Variants in CSNK2A1 observed in about 807,000 individuals in gnomAD.
The protein encoded by CSNK2A1 is casein kinase 2 alpha 1.
In CSNK2A1, 10 loss-of-function variants were observed where a neutral mutation model predicts 62.9. The ratio of observed to expected loss-of-function variants is 0.16; its 90% CI spans 0.10 to 0.27. The LOEUF is 0.27. Ranked by LOEUF, CSNK2A1 falls within the 10% of genes least tolerant of loss-of-function variation. The pLI is 1.00. For synonymous variants in CSNK2A1, 124 were observed against 167.8 expected (o/e 0.74, Z 2.02); for missense variants, 160 against 492.0 (o/e 0.33, Z 6.38).
intron 1 of CSNK2A1, among the ~76,000 whole-genome samples, chr20:536,686 A>C (rs1171425674): frequency 6.6e-6 from 1 of 152,250 alleles, no homozygotes; most frequent in East Asian, 1.9e-4. Context: ...AGCTGTTTCA[A>C]AAACTACACC....
chr20:499,859 G>C lies in CSNK2A1; in HGVS notation c.289C>G (p.Leu97Val), dbSNP rs138635633. The C allele has an allele frequency of 6.2e-7, 1 of 1,613,470 alleles. No individual in the cohort carries two copies. Among genetic ancestry groups the C allele is most frequent in the Non-Finnish European group, 8.5e-7 (1 of 1,179,942 alleles). ...ACAGGGTCTTTTACAATGTCTGCCA[G>C]TGTGATGATGTTGGGACCTCCTCTC... ...NLRGGPNIIT[L>V]ADIVKDPVSR... The change falls in exon 5 of 14, where the codon CTG (leucine) becomes GTG (valine). Residue 97 changes from leucine to valine, a missense_variant. Around this residue, in one of 3 missense-constraint regions of CSNK2A1, gnomAD observed 94 missense variants for 357.6 expected, o/e 0.26. Transcript: ENST00000217244. This position sits in a 1 kb window ranked among gnomAD's most constrained non-coding sequence, Gnocchi z 4.2.
intron 2 of CSNK2A1, among the ~76,000 whole-genome samples, chr20:519,223 C>G (rs1776560207): frequency 1.3e-5 from 2 of 152,208 alleles, no homozygotes; most frequent in Non-Finnish European, 2.9e-5. Flanking sequence ...TAGGCGTAAG[C>G]CACCGTGCCC....
intron 2 of CSNK2A1, among the ~76,000 whole-genome samples, chr20:524,655 A>C (rs1044729107): frequency 1.4e-5 from 2 of 137,952 alleles, no homozygotes; most frequent in Non-Finnish European, 3.1e-5. Flanking sequence ...GCTTGAACCT[A>C]GGAGGTGGAG....
chr20:506,147 A>G (rs1484407100), intron 3 of CSNK2A1: 2 of 152,244 alleles, frequency 1.3e-5, no homozygotes, highest in Non-Finnish European at 2.9e-5. Context: ...AAGTGCTGGG[A>G]TTACAGGCGT....
intron 13 of CSNK2A1, among the ~76,000 whole-genome samples, chr20:485,651 A>G (rs1364981948): frequency 6.6e-6 from 1 of 152,232 alleles, no homozygotes; most frequent in Non-Finnish European, 1.5e-5. Flanking sequence ...TATTACAAAT[A>G]AGGCTACAAG....
chr20:536,930 C>T (rs913934172), intron 1 of CSNK2A1, among the ~76,000 whole-genome samples: 1 of 152,020 alleles, frequency 6.6e-6, no homozygotes, highest in Non-Finnish European at 1.5e-5. Context: ...ATGACCATCT[C>T]GTATTTCTGG....
chr20:473,600 T>C lies in CSNK2A1; in HGVS notation c.*10361A>G, dbSNP rs1208475722. ...TCCTTTCACAGTAGCTGCCATTGTC[T>C]TCTTCCAGATCTTGAGACATTTTAT... On this transcript the variant is annotated 3_prime_UTR_variant, in exon 14 of 14. Transcript: ENST00000217244. The C allele has an allele frequency of 6.6e-6, 1 of 151,768 alleles. No individual in the cohort carries two copies. Among genetic ancestry groups the C allele is most frequent in the Non-Finnish European group, 1.5e-5 (1 of 68,054 alleles). 9.4% of individuals were successfully genotyped at this position (151,768 alleles called of 1,614,324 possible).
At chr20:533,191 C>T (rs1005231051) in intron 1 of CSNK2A1, among the ~76,000 whole-genome samples, 2 of 152,086 alleles carry the variant, frequency 1.3e-5, no homozygotes, top group Admixed American at 1.3e-4. Context: ...CCTTTAAGTC[C>T]CAAGGTTCTA....
rs2017788078 is a variant in CSNK2A1, at chr20:473,326, T to C, written c.*10635A>G. 1 of 152,536 alleles carries C rather than the reference T, an allele frequency of 6.6e-6. No individual in the cohort carries two copies. The allele number at this position is 152,536 out of a possible 1,614,324, so 9.4% of individuals were successfully genotyped here. On this transcript the variant is annotated 3_prime_UTR_variant, in exon 14 of 14. Transcript: ENST00000217244. ...TCTGTTCTGATCAAGTCTCAGTCTC[T>C]GTCAGGCCCTTTGTGTCTCTGATTT... is the stretch of plus-strand genomic sequence containing the variant.
intron 2 of CSNK2A1, among the ~76,000 whole-genome samples, chr20:524,682 C>T (rs2019036010): frequency 7.7e-6 from 1 of 130,534 alleles, no homozygotes; most frequent in African/African-American, 3.0e-5. Flanking sequence ...GTGGGCACTC[C>T]AGCATGGGTG....
chr20:528,066 G>A lies in CSNK2A1; in HGVS notation c.-226-17C>T, dbSNP rs939604457. 1.2e-4 allele frequency: 19 copies of A among 152,162 alleles called. No homozygotes were observed. Among genetic ancestry groups the A allele is most frequent in the African/African-American group, 4.1e-4 (17 of 41,430 alleles). The allele number at this position is 152,162 out of a possible 1,614,324, so 9.4% of individuals were successfully genotyped here. On this transcript the variant is annotated splice_polypyrimidine_tract_variant and intron_variant, in intron 1 of 13. Coordinates refer to ENST00000217244, the MANE Select transcript of CSNK2A1 (RefSeq NM_177559.3). ...TTGATAGAGCTACAAAAACAGTTCA[G>A]TACTCCGTTACTGAAAGGATCTTGG...
Position 482,305 on chromosome 20 carries a change from G to A in CSNK2A1, c.*1656C>T, listed in dbSNP as rs2017970045. On this transcript the variant is annotated 3_prime_UTR_variant, in exon 14 of 14. Coordinates refer to ENST00000217244, the MANE Select transcript of CSNK2A1 (RefSeq NM_177559.3). Reference sequence around the variant, plus strand: ...TAATGAAATAACAGGAGAAAATACAGAGCTGATGGTTTTGCTATTGTGCTT... The same window carrying A: ...TAATGAAATAACAGGAGAAAATACAAAGCTGATGGTTTTGCTATTGTGCTT... The A allele has an allele frequency of 6.6e-6, 1 of 152,180 alleles. No individual in the cohort carries two copies. Among genetic ancestry groups the A allele is most frequent in the South Asian group, 2.1e-4 (1 of 4,832 alleles). 9.4% of individuals were successfully genotyped at this position (152,180 alleles called of 1,614,324 possible). A position where few individuals can be genotyped will look rare whatever the true frequency, so the allele number is the denominator to read the frequency against.
chr20:532,188 G>T (rs1473016699), intron 1 of CSNK2A1, among the ~76,000 whole-genome samples: 5 of 148,518 alleles, frequency 3.4e-5, no homozygotes, highest in African/African-American at 1.0e-4. Context: ...TTTTTGAGAT[G>T]GAGTCTCGCT....
At chr20:530,459 CT>C (rs1215187020) in intron 1 of CSNK2A1, among the ~76,000 whole-genome samples, 3 of 146,924 alleles carry the variant, frequency 2.0e-5, no homozygotes, top group African/African-American at 5.1e-5. Context: ...AAGTTTTTCA[CT>C]TTTTTTCCTT....
At chr20:535,966 A>G (rs930157170) in intron 1 of CSNK2A1, among the ~76,000 whole-genome samples, 2 of 152,308 alleles carry the variant, frequency 1.3e-5, no homozygotes, top group African/African-American at 4.8e-5. Flanking sequence ...AACCACTGGG[A>G]GTAAGACCTC....
intron 4 of CSNK2A1, chr20:501,888 A>T (rs1447813780): frequency 6.6e-6 from 1 of 152,140 alleles, no homozygotes; most frequent in Non-Finnish European, 1.5e-5. Context: ...GAAACGGGGG[A>T]TTTATTTTTA....
intron 1 of CSNK2A1, among the ~76,000 whole-genome samples, chr20:542,396 AT>A (rs1350806308): frequency 1.3e-5 from 2 of 152,236 alleles, no homozygotes; most frequent in Non-Finnish European, 2.9e-5. Context: ...CTCAGATGGA[AT>A]GAAGTCTCCA....
Position 499,168 on chromosome 20 carries a change from C to A in CSNK2A1, c.366+87G>T. 2 of 1,177,110 alleles carry A rather than the reference C, an allele frequency of 1.7e-6. No homozygotes were observed. Among genetic ancestry groups the A allele is most frequent in the Non-Finnish European group, 2.3e-6 (2 of 873,700 alleles). The allele number at this position is 1,177,110 out of a possible 1,614,324, so 72.9% of individuals were successfully genotyped here. ...ATGAAAAGCTTTTTAAAAACAAATG[C>A]GAAGCAAGCTCTTCTAACAGCATCA... On this transcript the variant is annotated intron_variant, in intron 6 of 13. Coordinates refer to ENST00000217244, the MANE Select transcript of CSNK2A1 (RefSeq NM_177559.3). The surrounding 1 kb of genome is among the most constrained non-coding windows in gnomAD (Gnocchi z 4.2).
chr20:511,973 G>T (rs1320330995), intron 2 of CSNK2A1, among the ~76,000 whole-genome samples: 1 of 152,110 alleles, frequency 6.6e-6, no homozygotes. Context: ...CTCCTATACA[G>T]CAACTGTATC....
Sources: allele counts gnomAD v4.1 joint callset (sites outside exome capture counted in the v4.1 genomes callset), GRCh38; gene constraint gnomAD v4.1.1; regional missense constraint gnomAD v4.1.1; non-coding constraint Gnocchi (gnomAD v3.1); transcripts MANE v1.5; gene names NCBI Gene and HGNC (gene_info 2026-07-23, HGNC 2026-07-21).